MEGF11: variants seen among roughly 807,000 people sequenced by gnomAD.
MEGF11 encodes the protein multiple EGF like domains 11, also known as multiple epidermal growth factor-like domains protein 11.
A neutral mutation model predicts 146.6 loss-of-function variants in MEGF11; 126 were observed. The observed-to-expected ratio is 0.86, with a 90% confidence interval of 0.74 to 1.00. The LOEUF (loss-of-function observed/expected upper bound fraction) is 1.00. Among genes scored for constraint, MEGF11 ranks in the 50% least tolerant of loss-of-function variants. The pLI is 0.00. For synonymous variants in MEGF11, 532 were observed against 583.4 expected, an observed-to-expected ratio of 0.91 and a Z score of 1.27; for missense variants, 1,509 against 1,521.2, an observed-to-expected ratio of 0.99 and a Z score of 0.13.
At chr15:66,092,899 A>C (rs2086377862) in intron 5 of MEGF11, among the ~76,000 whole-genome samples, 1 of 152,206 alleles carries the variant, frequency 6.6e-6, no homozygotes, top group African/African-American at 2.4e-5. Flanking sequence ...CCTTCCTCAA[A>C]GATTCCTTGT....
intron 1 of MEGF11, among the ~76,000 whole-genome samples, chr15:66,219,005 T>TAAAA (rs1555483452): frequency 1.9e-5 from 1 of 52,862 alleles, no homozygotes; most frequent in Non-Finnish European, 4.0e-5. Context: ...AACCTTAACC[T>TAAAA]AAACCTTATC....
Position 65,922,843 on chromosome 15 carries a change from C to T in MEGF11, c.1802G>A (p.Arg601Gln), listed in dbSNP as rs779309646. ...CTTACTTCTCTGGCATAAGGGTCCT[C>T]GGAAGCCAGGGGCACACTCGCAGCT... is the stretch of plus-strand genomic sequence containing the variant. ...DGSCECAPGF[R>Q]GPLCQRICPP... The change falls in exon 14 of 26, where the codon CGA becomes CAA. Residue 601 changes from arginine (R) to glutamine (Q), a missense_variant. Arg to Gln is a conservative substitution (Grantham distance 43). Transcript: ENST00000395614. 38 of 1,613,690 alleles carry T rather than the reference C, an allele frequency of 2.4e-5. No individual in the cohort carries two copies. Among genetic ancestry groups the T allele is most frequent in the South Asian group, 3.3e-5 (3 of 91,076 alleles).
At chr15:66,127,927 G>T (rs776988146) in intron 2 of MEGF11, among the ~76,000 whole-genome samples, 2 of 152,214 alleles carry the variant, frequency 1.3e-5, no homozygotes, top group African/African-American at 4.8e-5. Flanking sequence ...ACCAGGAAAG[G>T]CATCACAGCA....
intron 5 of MEGF11, among the ~76,000 whole-genome samples, chr15:66,006,825 C>A (rs1035561125): frequency 6.6e-6 from 1 of 152,210 alleles, no homozygotes; most frequent in African/African-American, 2.4e-5. Context: ...GGCAGCCCCT[C>A]CAGTCTCCAA....
At chr15:65,939,253 C>G (rs191168017) in intron 10 of MEGF11, among the ~76,000 whole-genome samples, 2 of 152,252 alleles carry the variant, frequency 1.3e-5, no homozygotes, top group East Asian at 3.9e-4. Context: ...CTCAGCTATC[C>G]TTTTGTTGGA....
chr15:66,068,655 C>T (rs140467244), intron 5 of MEGF11, among the ~76,000 whole-genome samples: 121 of 152,228 alleles, frequency 7.9e-4, no homozygotes, highest in African/African-American at 2.8e-3. Context: ...CTTTCATGGC[C>T]CACTGTCCAA....
chr15:66,084,932 G>A (rs972975748), intron 5 of MEGF11, among the ~76,000 whole-genome samples: 1 of 152,172 alleles, frequency 6.6e-6, no homozygotes, highest in South Asian at 2.1e-4. Flanking sequence ...CCTACACCTG[G>A]AAACAGACTC....
At chr15:66,017,209 C>G (rs2082918632) in intron 5 of MEGF11, among the ~76,000 whole-genome samples, 1 of 152,160 alleles carries the variant, frequency 6.6e-6, no homozygotes, top group African/African-American at 2.4e-5. Flanking sequence ...CAGACGGCAG[C>G]CTATCAGGCC....
At chr15:66,192,751 G>C (rs1343115451) in intron 1 of MEGF11, among the ~76,000 whole-genome samples, 1 of 152,186 alleles carries the variant, frequency 6.6e-6, no homozygotes, top group African/African-American at 2.4e-5. Flanking sequence ...GAGATGAGGA[G>C]CCAGCATTAC....
chr15:66,062,843 A>C (rs750201746), intron 5 of MEGF11, among the ~76,000 whole-genome samples: 6 of 152,242 alleles, frequency 3.9e-5, no homozygotes, highest in Non-Finnish European at 7.3e-5. Context: ...AACCCTATGG[A>C]GGTCAGCATA....
intron 1 of MEGF11, among the ~76,000 whole-genome samples, chr15:66,183,723 C>CG (rs2090617933): frequency 6.6e-6 from 1 of 151,986 alleles, no homozygotes; most frequent in African/African-American, 2.4e-5. Flanking sequence ...ACCTGGGGAT[C>CG]GGGGATCCTG....
intron 5 of MEGF11, among the ~76,000 whole-genome samples, chr15:66,006,038 C>T (rs914316785): frequency 3.9e-5 from 6 of 152,248 alleles, no homozygotes; most frequent in South Asian, 4.2e-4. Context: ...AGGCGCTGTA[C>T]GATGTTTGGT....
rs748278533 is a variant in MEGF11 at position 65,970,571 on chromosome 15, G to T, written c.881C>A (p.Ala294Asp). 1.9e-6 allele frequency: 3 copies of T among 1,613,882 alleles called. No homozygotes were observed. Among genetic ancestry groups the T allele is most frequent in the Admixed American group, 3.3e-5 (2 of 60,006 alleles). The stretch of plus-strand genomic sequence containing the variant: ...TCCTTACCTGTCCCCCATGTATCCA[G>T]CTGTACAGTGGCACTGTCCAGTCAC... ...DHVTGQCHCT[A>D]GYMGDRCQEE... Residue 294 changes from alanine to aspartate, a missense_variant, in exon 8 of 26, where the codon GCT becomes GAT. By Grantham distance (126) the Ala-to-Asp change is moderately radical (BLOSUM62 -2). Coordinates refer to ENST00000395614, the MANE Select transcript of MEGF11 (RefSeq NM_001385028.1).
chr15:65,990,712 GAA>G, intron 5 of MEGF11, among the ~76,000 whole-genome samples: 2 of 148,054 alleles, frequency 1.4e-5, no homozygotes, highest in Admixed American at 1.3e-4. Flanking sequence ...AGAAAGGAAG[GAA>G]GAAAGAAAGA....
At chr15:65,936,499 A>T (rs1476488633) in intron 10 of MEGF11, among the ~76,000 whole-genome samples, 1 of 152,170 alleles carries the variant, frequency 6.6e-6, no homozygotes, top group Non-Finnish European at 1.5e-5. Flanking sequence ...TTTCTCTTGT[A>T]TGCCAGGCAA....
At chr15:65,998,996 G>T (rs2082280065) in intron 5 of MEGF11, among the ~76,000 whole-genome samples, 1 of 152,076 alleles carries the variant, frequency 6.6e-6, no homozygotes, top group South Asian at 2.1e-4. Flanking sequence ...TGTCTAGCGG[G>T]GCCCAGCCTC....
chr15:66,023,785 C>T (rs1465394041), intron 5 of MEGF11, among the ~76,000 whole-genome samples: 3 of 152,202 alleles, frequency 2.0e-5, no homozygotes, highest in Non-Finnish European at 4.4e-5. Context: ...AATGTCCTTA[C>T]CCTGCACTGT....
At chr15:66,081,032 C>T (rs1024248199) in intron 5 of MEGF11, among the ~76,000 whole-genome samples, 2 of 152,226 alleles carry the variant, frequency 1.3e-5, no homozygotes, top group African/African-American at 4.8e-5. Flanking sequence ...TGAGGCCTCC[C>T]GGCTGGCACA....
intron 1 of MEGF11, among the ~76,000 whole-genome samples, chr15:66,174,544 G>C (rs1379943150): frequency 6.6e-6 from 1 of 152,038 alleles, no homozygotes. Context: ...CTTTAGTGCT[G>C]TAAGTGATAT....
Sources: gnomAD v4.1 joint callset for allele counts (sites outside exome capture counted in the v4.1 genomes callset) on GRCh38, gnomAD v4.1.1 for gene constraint, MANE v1.5 for transcripts, NCBI Gene and HGNC (gene_info 2026-07-23, HGNC 2026-07-21) for gene names.